SAMD4B: variants seen among roughly 807,000 people sequenced by gnomAD.
SAMD4B encodes the protein sterile alpha motif domain containing 4B.
In SAMD4B, 5 loss-of-function variants were observed where a neutral mutation model predicts 74.5. The observed-to-expected ratio is 0.07, with a 90% CI of 0.04 to 0.14. SAMD4B has a LOEUF of 0.14. Among genes scored for constraint, SAMD4B ranks in the 10% least tolerant of loss-of-function variants. SAMD4B has a pLI of 1.00. For missense variants in SAMD4B, 608 were observed against 921.8 expected (o/e 0.66, Z 4.41); for synonymous variants, 373 against 374.9 (o/e 1.00, Z 0.06).
intron 3 of SAMD4B, among the ~76,000 whole-genome samples, chr19:39,364,972 G>T (rs1199005130): frequency 1.3e-5 from 2 of 152,160 alleles, no homozygotes; most frequent in Non-Finnish European, 2.9e-5. Flanking sequence ...GGGCGCAGTG[G>T]CTCACACCTG....
intron 2 of SAMD4B, among the ~76,000 whole-genome samples, chr19:39,354,319 C>CA (rs755725159): frequency 9.8e-5 from 15 of 152,306 alleles, no homozygotes; most frequent in Non-Finnish European, 1.9e-4. Flanking sequence ...TATTCAAAGT[C>CA]AGTTATGCCA....
At chr19:39,381,999 C>T (rs2078021296) in intron 12 of SAMD4B, among the ~76,000 whole-genome samples, 1 of 152,206 alleles carries the variant, frequency 6.6e-6, no homozygotes, top group Non-Finnish European at 1.5e-5. Context: ...CTGCCCTGCT[C>T]AACAAGTGAG....
chr19:39,362,074 T>A (rs2076689535), intron 3 of SAMD4B, among the ~76,000 whole-genome samples: 1 of 152,292 alleles, frequency 6.6e-6, no homozygotes, highest in South Asian at 2.1e-4. Flanking sequence ...TTCCTCCAGT[T>A]CTCCAGGGAG....
downstream of SAMD4B, chr19:39,389,424 C>T: frequency 6.2e-7 from 1 of 1,607,446 alleles, no homozygotes; most frequent in African/African-American, 1.3e-5. This position sits in a 1 kb window ranked among gnomAD's most constrained non-coding sequence, Gnocchi z 5.3. Flanking sequence ...CCACTGCCCT[C>T]CTGCTTGTAG....
chr19:39,388,255 A>G (rs1361845395), downstream of SAMD4B: 9 of 1,381,748 alleles, frequency 6.5e-6, no homozygotes, highest in Non-Finnish European at 9.2e-6. Flanking sequence ...CTTAGGTACA[A>G]ATGACCTCCA....
intron 3 of SAMD4B, among the ~76,000 whole-genome samples, chr19:39,357,774 G>A (rs1470003405): frequency 1.3e-5 from 2 of 152,192 alleles, no homozygotes; most frequent in Non-Finnish European, 2.9e-5. Flanking sequence ...GTTGGCCCCA[G>A]TGACAGATGG....
Position 39,344,931 on chromosome 19 carries a change from C to T in SAMD4B, c.-267+2355C>T, listed in dbSNP as rs56885497. 2.6e-3 allele frequency among the ~76,000 whole-genome samples: 391 copies of T among 152,294 alleles called. 2 individuals carry two copies. Among genetic ancestry groups the T allele is most frequent in the African/African-American group, 9.0e-3 (374 of 41,564 alleles). On this transcript the variant is annotated intron_variant, in intron 1 of 13. Coordinates refer to ENST00000610417, the MANE Select transcript of SAMD4B (RefSeq NM_001384574.2). ...CCATTTCCCTTTCAGAAGCCTTCTT[C>T]CTTCTCCCCTTTGAGGACCTCCTCA...
At chr19:39,352,475 G>C (rs1449442018) in intron 1 of SAMD4B, 1 of 147,456 alleles carries the variant, frequency 6.8e-6, no homozygotes, top group Non-Finnish European at 1.5e-5. Context: ...CAGATATCTG[G>C]CTCCTCTTTA....
Position 39,383,567 on chromosome 19 carries a change from G to A in SAMD4B, c.*40G>A, listed in dbSNP as rs766562882. 1.4e-5 allele frequency: 23 copies of A among 1,614,088 alleles called. No individual in the cohort carries two copies. Among genetic ancestry groups the A allele is most frequent in the South Asian group, 1.3e-4 (12 of 91,090 alleles). On this transcript the variant is annotated 3_prime_UTR_variant, in exon 14 of 14. Coordinates refer to ENST00000610417, the MANE Select transcript of SAMD4B (RefSeq NM_001384574.2). This position sits in a 1 kb window ranked among gnomAD's most constrained non-coding sequence, Gnocchi z 4.1. ...CAGCGCACCCATAGGCTCCCTGGGC[G>A]GCGGGCGGGGGCCAACCCCCAACGG... is the stretch of plus-strand genomic sequence containing the variant.
At chr19:39,362,626 G>C (rs1201407893) in intron 3 of SAMD4B, among the ~76,000 whole-genome samples, 1 of 152,136 alleles carries the variant, frequency 6.6e-6, no homozygotes, top group Non-Finnish European at 1.5e-5. Context: ...TTTGGAGCTA[G>C]AACAATAACC....
chr19:39,386,386 C>T (rs751189341), downstream of SAMD4B: 5 of 1,614,160 alleles, frequency 3.1e-6, no homozygotes, highest in Non-Finnish European at 4.2e-6. This position sits in a 1 kb window ranked among gnomAD's most constrained non-coding sequence, Gnocchi z 6.1. Flanking sequence ...CTGCTGCTGC[C>T]CTTCTCCTGC....
At chr19:39,344,797 C>A (rs1323185156) in intron 1 of SAMD4B, among the ~76,000 whole-genome samples, 2 of 152,134 alleles carry the variant, frequency 1.3e-5, no homozygotes, top group Non-Finnish European at 2.9e-5. Context: ...CCCAGTGCTC[C>A]GAGATCTTTC....
chr19:39,361,490 C>A (rs1194538252), intron 3 of SAMD4B, among the ~76,000 whole-genome samples: 3 of 151,326 alleles, frequency 2.0e-5, no homozygotes, highest in Non-Finnish European at 4.4e-5. Context: ...GTAGTGGGTA[C>A]CTGTAGTCCC....
downstream of SAMD4B, chr19:39,386,321 T>C (rs1336082028): frequency 2.5e-6 from 4 of 1,613,992 alleles, no homozygotes; most frequent in Non-Finnish European, 3.4e-6. This position sits in a 1 kb window ranked among gnomAD's most constrained non-coding sequence, Gnocchi z 6.1. Context: ...CCCTGTCACC[T>C]TCCTCCCGTT....
chr19:39,387,099 A>G, downstream of SAMD4B: 1 of 495,864 alleles, frequency 2.0e-6, no homozygotes, highest in Non-Finnish European at 3.8e-6. Flanking sequence ...TGAGATATAC[A>G]TCATGTGAAC....
At chr19:39,390,352 G>C (rs1484335109), downstream of SAMD4B, 3 of 1,500,770 alleles carry the variant, frequency 2.0e-6, no homozygotes, top group East Asian at 2.4e-5. Context: ...GAATGAAAAA[G>C]GCTTCCCCAA....
downstream of SAMD4B, chr19:39,389,051 C>T (rs2078315382): frequency 6.2e-7 from 1 of 1,612,794 alleles, no homozygotes; most frequent in Admixed American, 1.7e-5. The surrounding 1 kb of genome is among the most constrained non-coding windows in gnomAD (Gnocchi z 5.3). Flanking sequence ...AGGAGCTCTG[C>T]AGCCGCACCC....
At chr19:39,371,709 C>T (rs1170508096) in intron 4 of SAMD4B, among the ~76,000 whole-genome samples, 1 of 151,330 alleles carries the variant, frequency 6.6e-6, no homozygotes, top group Non-Finnish European at 1.5e-5. Flanking sequence ...TCCAGTTACT[C>T]GGGGGGCTGA....
intron 3 of SAMD4B, among the ~76,000 whole-genome samples, chr19:39,367,081 G>A (rs1327442679): frequency 1.3e-5 from 2 of 152,220 alleles, no homozygotes; most frequent in African/African-American, 4.8e-5. Flanking sequence ...ATGATTCTGG[G>A]CTCCACTTTA....
Sources: allele counts gnomAD v4.1 joint callset (sites outside exome capture counted in the v4.1 genomes callset), GRCh38; gene constraint gnomAD v4.1.1; non-coding constraint Gnocchi (gnomAD v3.1); transcripts MANE v1.5; gene names NCBI Gene and HGNC (gene_info 2026-07-23, HGNC 2026-07-21).